Variants in SCAI observed in about 807,000 individuals in gnomAD.
SCAI encodes protein SCAI.
Under a neutral mutation model 92.2 loss-of-function variants are expected in SCAI, and 24 were observed. The ratio of observed to expected loss-of-function variants is 0.26; its 90% CI spans 0.19 to 0.37. The LOEUF (loss-of-function observed/expected upper bound fraction) is 0.37. Ranked by LOEUF, SCAI falls within the 10% of genes least tolerant of loss-of-function variation. The pLI, the probability that SCAI is intolerant of heterozygous loss-of-function variation, is 1.00. For synonymous variants in SCAI, 261 were observed against 258.6 expected (o/e 1.01, Z -0.09); for missense variants, 450 against 736.2 (o/e 0.61, Z 4.50).
At chr9:125,064,042 C>T (rs551527631) in intron 2 of SCAI, among the ~76,000 whole-genome samples, 1 of 151,984 alleles carries the variant, frequency 6.6e-6, no homozygotes. Context: ...CGTGAGCCAC[C>T]GCGCCCAGCC....
intron 14 of SCAI, among the ~76,000 whole-genome samples, chr9:124,985,178 T>C (rs1831961980): frequency 6.6e-6 from 1 of 152,196 alleles, no homozygotes; most frequent in South Asian, 2.1e-4. Context: ...ATACTGTCAG[T>C]ATAAGGATTA....
Position 124,952,715 on chromosome 9 carries a change from G to A in SCAI, c.*92C>T. ...CCCTAAATTAAAAAATAAAAACTAA[G>A]TAACACCACTATGTGTCTTATCACG... is the stretch of plus-strand genomic sequence containing the variant. On this transcript the variant is annotated 3_prime_UTR_variant, in exon 18 of 18. Transcript: ENST00000336505. 1.0e-6 allele frequency: 1 copy of A among 976,488 alleles called. No homozygotes were observed. The highest frequency in any genetic ancestry group is 1.5e-6 in the Non-Finnish European group (1 of 677,816). 60.5% of individuals were successfully genotyped at this position (976,488 alleles called of 1,614,324 possible). A position where few individuals can be genotyped will look rare whatever the true frequency, so the allele number is the denominator to read the frequency against.
At chr9:125,037,276 A>G (rs980108902) in intron 3 of SCAI, among the ~76,000 whole-genome samples, 1 of 151,868 alleles carries the variant, frequency 6.6e-6, no homozygotes, top group Admixed American at 6.6e-5. Context: ...GTCGATTAAA[A>G]AAAAAAAAAA....
In SCAI at chr9:125,142,803, C is replaced by G. The variant is rs1469783870; in HGVS notation, c.54-126G>C. On this transcript the variant is annotated intron_variant, in intron 1 of 17. Coordinates refer to ENST00000336505, the MANE Select transcript of SCAI (RefSeq NM_001144877.3). Reference sequence around the variant, plus strand: ...GACCACAGGCTCGCCAAGCCCAGATCTGACCTTACAAACGCCTCATGCCCT... The same window carrying G: ...GACCACAGGCTCGCCAAGCCCAGATGTGACCTTACAAACGCCTCATGCCCT... The G allele has an allele frequency of 6.5e-6, 5 of 770,778 alleles. No individual in the cohort carries two copies. The East Asian group carries it at 7.7e-5, about 12-fold the overall frequency. The allele number at this position is 770,778 out of a possible 1,614,324, so 47.7% of individuals were successfully genotyped here.
intron 2 of SCAI, among the ~76,000 whole-genome samples, chr9:125,073,879 A>G (rs1322634257): frequency 6.6e-6 from 1 of 152,006 alleles, no homozygotes; most frequent in Non-Finnish European, 1.5e-5. Flanking sequence ...TCACTCACAG[A>G]CTGCAGGCTT....
At position 124,950,649 on chromosome 9, in the gene SCAI, A is replaced by G. The variant is rs1831221729; in HGVS notation, c.*2158T>C. 1 of 152,240 alleles carries G rather than the reference A, an allele frequency of 6.6e-6. No individual in the cohort carries two copies. The highest frequency in any genetic ancestry group is 2.4e-5 in the African/African-American group (1 of 41,464). The allele number at this position is 152,240 out of a possible 1,614,324, so 9.4% of individuals were successfully genotyped here. ...TAAGATACTGAAAAAAAAGGAAAGC[A>G]GTCTTTACCTGAAAATGAAAACCCA... On this transcript the variant is annotated 3_prime_UTR_variant, in exon 18 of 18. Coordinates refer to ENST00000336505, the MANE Select transcript of SCAI (RefSeq NM_001144877.3).
chr9:124,977,788 T>TA (rs1831791510), intron 14 of SCAI, among the ~76,000 whole-genome samples: 1 of 152,166 alleles, frequency 6.6e-6, no homozygotes, highest in African/African-American at 2.4e-5. Flanking sequence ...AGTCCAGAAT[T>TA]AGACTCCAAA....
At chr9:125,024,110 C>G (rs1340113234) in intron 6 of SCAI, among the ~76,000 whole-genome samples, 2 of 151,962 alleles carry the variant, frequency 1.3e-5, no homozygotes, top group Non-Finnish European at 2.9e-5. Context: ...TTCCTGCCTT[C>G]TATTGTAATA....
At chr9:125,042,864 T>C (rs916361638) in intron 3 of SCAI, among the ~76,000 whole-genome samples, 31 of 109,978 alleles carry the variant, frequency 2.8e-4, no homozygotes, top group African/African-American at 1.1e-3. Flanking sequence ...CTGGCTTTTT[T>C]TTTTTTTTTT....
chr9:124,979,057 C>T (rs145868148), intron 14 of SCAI, among the ~76,000 whole-genome samples: 4,370 of 151,572 alleles, frequency 0.029, 223 homozygotes, highest in African/African-American at 0.096. Context: ...GACGGGGTTT[C>T]GCCATGTTGA....
chr9:124,999,000 C>A, intron 13 of SCAI, among the ~76,000 whole-genome samples: 1 of 151,992 alleles, frequency 6.6e-6, no homozygotes, highest in Non-Finnish European at 1.5e-5. Flanking sequence ...ATGCTAATTA[C>A]TCTGATCTGA....
intron 17 of SCAI, chr9:124,968,569 A>T: frequency 1.1e-6 from 1 of 914,388 alleles, no homozygotes; most frequent in Non-Finnish European, 1.8e-6. Context: ...TAGTCCTCAA[A>T]CGTGTATGGC....
At chr9:125,073,493 A>C (rs1205109548) in intron 2 of SCAI, among the ~76,000 whole-genome samples, 2 of 152,174 alleles carry the variant, frequency 1.3e-5, no homozygotes, top group African/African-American at 4.8e-5. Flanking sequence ...AAGAGCTCCA[A>C]CTTCTCCATG....
chr9:124,977,162 C>T (rs956859578), intron 14 of SCAI, among the ~76,000 whole-genome samples: 1 of 152,158 alleles, frequency 6.6e-6, no homozygotes, highest in East Asian at 1.9e-4. Flanking sequence ...AGCCAGCACG[C>T]CCAGCCAAAA....
intron 2 of SCAI, among the ~76,000 whole-genome samples, chr9:125,076,708 CT>C (rs1417811242): frequency 5.4e-5 from 8 of 148,778 alleles, no homozygotes; most frequent in East Asian, 2.0e-4. Context: ...TTTTTCCTTT[CT>C]TTTTTTTTTG....
intron 3 of SCAI, among the ~76,000 whole-genome samples, chr9:125,044,257 G>A (rs762629553): frequency 2.0e-5 from 3 of 152,082 alleles, no homozygotes; most frequent in African/African-American, 4.8e-5. Flanking sequence ...GTGAGAACTC[G>A]AGGTGCTTTT....
chr9:124,953,083 G>T, intron 17 of SCAI, 130 bp from the exon 18 acceptor site: 1 of 763,278 alleles, frequency 1.3e-6, no homozygotes, highest in Non-Finnish European at 2.2e-6. Flanking sequence ...TAATATATTT[G>T]TTGAATATTG....
rs766445170 is a variant in SCAI at position 124,971,833 on chromosome 9, G to A, written c.1411C>T (p.Arg471Ter). The A allele has an allele frequency of 6.3e-7, 1 of 1,590,998 alleles. No individual in the cohort carries two copies. Among genetic ancestry groups the A allele is most frequent in the Non-Finnish European group, 8.5e-7 (1 of 1,172,978 alleles). Residue 471 changes from arginine to a stop codon, truncating the protein, a stop_gained, in exon 16 of 18, where the codon CGA becomes TGA. Transcript: ENST00000336505. LOFTEE classifies it high-confidence loss of function. ...AAAAAGAGAGTGAAGAGGCTACCTC[G>A]CTGAGATTGATCTGTAATAACAAAC... The part of the protein sequence containing the change: ...YPKALQDQSQ[R>*]GSLFTLFLNN...
chr9:125,141,721 G>T (rs541171506), intron 2 of SCAI, among the ~76,000 whole-genome samples: 1 of 152,156 alleles, frequency 6.6e-6, no homozygotes, highest in African/African-American at 2.4e-5. Context: ...AAGCTCTGGA[G>T]TCAGACTGTC....
Sources: allele counts gnomAD v4.1 joint callset (sites outside exome capture counted in the v4.1 genomes callset), GRCh38; gene constraint gnomAD v4.1.1; transcripts MANE v1.5; gene names NCBI Gene and HGNC (gene_info 2026-07-23, HGNC 2026-07-21).